Variants in NRXN1 observed in about 807,000 individuals in gnomAD.
NRXN1 encodes neurexin-1.
NRXN1 carries 39 observed loss-of-function variants against 150.9 expected under a neutral mutation model. The ratio of observed to expected loss-of-function variants is 0.26; its 90% CI spans 0.20 to 0.34. The LOEUF (loss-of-function observed/expected upper bound fraction) is 0.34, where lower values mean the gene tolerates loss of function less well. Among genes scored for constraint, NRXN1 ranks in the 10% least tolerant of loss-of-function variants. NRXN1 has a pLI of 1.00. For missense variants in NRXN1, 1,815 were observed against 1,949.9 expected, an observed-to-expected ratio of 0.93 and a Z score of 1.30; for synonymous variants, 924 against 757.0, an observed-to-expected ratio of 1.22 and a Z score of -3.62.
At chr2:50,851,890 C>A (rs984812866) in intron 5 of NRXN1, among the ~76,000 whole-genome samples, 10 of 152,160 alleles carry the variant, frequency 6.6e-5, no homozygotes, top group Non-Finnish European at 1.5e-4. Context: ...ACATAAATGA[C>A]TTTCTGTAGT....
chr2:50,249,298 G>T (rs1226515496), intron 17 of NRXN1, among the ~76,000 whole-genome samples: 2 of 152,010 alleles, frequency 1.3e-5, no homozygotes, highest in Non-Finnish European at 2.9e-5. Flanking sequence ...ATCACTTTTA[G>T]ATTTCTTGAA....
chr2:50,364,947 A>C (rs1456368900), intron 17 of NRXN1, among the ~76,000 whole-genome samples: 1 of 152,070 alleles, frequency 6.6e-6, no homozygotes, highest in East Asian at 1.9e-4. Context: ...TCAGCCAATC[A>C]ACAGAAAAGA....
Position 50,538,515 on chromosome 2 carries a change from G to A in NRXN1, c.1881C>T (p.Phe627=), listed in dbSNP as rs1452441477. 6.2e-7 allele frequency: 1 copy of A among 1,605,520 alleles called. No individual in the cohort carries two copies. The highest frequency in any genetic ancestry group is 8.5e-7 in the Non-Finnish European group (1 of 1,174,326). The change falls in exon 10 of 23, where the codon TTC becomes TTT. Residue 627 remains phenylalanine, a synonymous_variant. Coordinates refer to ENST00000401669, the MANE Select transcript of NRXN1 (RefSeq NM_001330078.2). ...GCAGAGCAGTCCACACCTCGGTGGG[G>A]AAGACAAGGCCAGCTTTATTTTCTG... ...GLPENKAGLV[F]PTEVWTALLN... is the part of the protein sequence containing the mutation.
rs143965847 is a variant in NRXN1 at position 50,902,208 on chromosome 2, A to G, written c.832+19661T>C. Among the ~76,000 whole-genome samples, 533 of 152,338 alleles carry G rather than the reference A, an allele frequency of 3.5e-3. 3 individuals carry two copies. The highest frequency in any genetic ancestry group is 0.012 in the African/African-American group (492 of 41,580). On this transcript the variant is annotated intron_variant, in intron 5 of 22. Coordinates refer to ENST00000401669, the MANE Select transcript of NRXN1 (RefSeq NM_001330078.2). ...TCTAGAAATATTCTTTAACCAGGGC[A>G]AGACAAAGAAAATGCATTTATTCTC...
At chr2:50,582,000 A>T (rs1187122808) in intron 8 of NRXN1, among the ~76,000 whole-genome samples, 1 of 152,110 alleles carries the variant, frequency 6.6e-6, no homozygotes, top group Non-Finnish European at 1.5e-5. Flanking sequence ...TCACAGAGAG[A>T]ATATGGCTTT....
At chr2:49,985,874 T>C (rs1680822295) in intron 21 of NRXN1, among the ~76,000 whole-genome samples, 1 of 152,212 alleles carries the variant, frequency 6.6e-6, no homozygotes. Context: ...TTAGTAATAC[T>C]GACAACACAT....
intron 17 of NRXN1, among the ~76,000 whole-genome samples, chr2:50,380,889 G>T (rs971821422): frequency 6.6e-6 from 1 of 151,980 alleles, no homozygotes; most frequent in Admixed American, 6.6e-5. Flanking sequence ...AGCCTAATAA[G>T]CATAAGGTAT....
At chr2:50,498,704 T>C (rs1324790166) in intron 13 of NRXN1, among the ~76,000 whole-genome samples, 1 of 152,216 alleles carries the variant, frequency 6.6e-6, no homozygotes, top group Non-Finnish European at 1.5e-5. Context: ...AGATGTGAAC[T>C]TGTTTTCTAA....
chr2:50,346,679 T>C lies in NRXN1; in HGVS notation c.3365-109709A>G, dbSNP rs13023114. On this transcript the variant is annotated intron_variant, in intron 17 of 22. Coordinates refer to ENST00000401669, the MANE Select transcript of NRXN1 (RefSeq NM_001330078.2). This position sits in a 1 kb window ranked among gnomAD's most constrained non-coding sequence, Gnocchi z 5.0. The stretch of plus-strand genomic sequence containing the variant: ...GGGGATAACCCGCGAGAACTTGGCA[T>C]CGCAGACCCACCGTGTCCGCCTCGC... 4.7e-3 allele frequency: 7,602 copies of C among 1,612,576 alleles called. 38 individuals carry two copies. Among genetic ancestry groups the C allele is most frequent in the Non-Finnish European group, 4.8e-3 (5,711 of 1,179,086 alleles).
intron 5 of NRXN1, among the ~76,000 whole-genome samples, chr2:50,883,359 T>A (rs1373010191): frequency 6.6e-6 from 1 of 151,850 alleles, no homozygotes; most frequent in African/African-American, 2.4e-5. Flanking sequence ...TTTTGTTAAT[T>A]GAAGTTTTTA....
intron 5 of NRXN1, among the ~76,000 whole-genome samples, chr2:50,844,701 C>T (rs1673377887): frequency 1.3e-5 from 2 of 152,152 alleles, no homozygotes; most frequent in Non-Finnish European, 2.9e-5. Flanking sequence ...CCAGGTTTTC[C>T]TGCTTTTTCG....
intron 18 of NRXN1, among the ~76,000 whole-genome samples, chr2:50,219,972 T>TA (rs2063735960): frequency 5.9e-5 from 3 of 50,628 alleles, no homozygotes; most frequent in African/African-American, 5.2e-4. Flanking sequence ...ATTATATATA[T>TA]ATAATATATA....
intron 17 of NRXN1, among the ~76,000 whole-genome samples, chr2:50,428,720 A>G (rs1487799010): frequency 2.0e-5 from 3 of 152,190 alleles, no homozygotes; most frequent in African/African-American, 7.2e-5. Context: ...CTTTAGAAAA[A>G]CAACAGATAA....
intron 17 of NRXN1, among the ~76,000 whole-genome samples, chr2:50,259,522 C>T (rs1558394946): frequency 6.6e-6 from 1 of 151,690 alleles, no homozygotes. Context: ...TTTTAGTATC[C>T]TGCTAATTAA....
At chr2:50,699,058 A>G (rs2104944815) in intron 5 of NRXN1, among the ~76,000 whole-genome samples, 1 of 152,320 alleles carries the variant, frequency 6.6e-6, no homozygotes, top group East Asian at 1.9e-4. Flanking sequence ...AAACCTCTCT[A>G]AAGACAGAGA....
At chr2:50,869,784 T>C (rs1222210867) in intron 5 of NRXN1, among the ~76,000 whole-genome samples, 2 of 151,844 alleles carry the variant, frequency 1.3e-5, no homozygotes, top group Admixed American at 6.6e-5. Context: ...ACCCAACACA[T>C]TCTTAGCCCT....
chr2:50,812,330 C>T (rs1285271957), intron 5 of NRXN1, among the ~76,000 whole-genome samples: 2 of 152,136 alleles, frequency 1.3e-5, no homozygotes, highest in South Asian at 2.1e-4. Context: ...TTTGCGGTTA[C>T]ATATGTGACT....
intron 21 of NRXN1, among the ~76,000 whole-genome samples, chr2:50,039,528 T>C (rs1690601197): frequency 6.6e-6 from 1 of 152,158 alleles, no homozygotes; most frequent in Non-Finnish European, 1.5e-5. Context: ...TTTCTGTGGA[T>C]GTTCTCTATT....
intron 17 of NRXN1, among the ~76,000 whole-genome samples, chr2:50,372,227 C>A (rs1297012157): frequency 6.6e-6 from 1 of 152,032 alleles, no homozygotes. Context: ...TAACAAAAAA[C>A]TTAAAAACAA....
Sources: allele counts gnomAD v4.1 joint callset (sites outside exome capture counted in the v4.1 genomes callset), GRCh38; gene constraint gnomAD v4.1.1; non-coding constraint Gnocchi (gnomAD v3.1); transcripts MANE v1.5; gene names NCBI Gene and HGNC (gene_info 2026-07-23, HGNC 2026-07-21).